The following CBY2 variants were observed in gnomAD, a reference collection of about 807,000 sequenced individuals.
The protein encoded by CBY2 is protein chibby homolog 2.
Under a neutral mutation model 25.3 loss-of-function variants are expected in CBY2, and 23 were observed. The ratio of observed to expected loss-of-function variants is 0.91; its 90% CI spans 0.65 to 1.29. The LOEUF (loss-of-function observed/expected upper bound fraction) is 1.29. Ranked by LOEUF, CBY2 falls within the 50% of genes most tolerant of loss-of-function variation. The pLI, the probability that CBY2 is intolerant of heterozygous loss-of-function variation, is 0.00. For synonymous variants in CBY2, 279 were observed against 260.2 expected (o/e 1.07, Z -0.70); for missense variants, 642 against 590.7 (o/e 1.09, Z -0.90).
At chr13:45,711,631 T>C (rs1485173400) in intron 2 of CBY2, among the ~76,000 whole-genome samples, 4 of 152,174 alleles carry the variant, frequency 2.6e-5, no homozygotes, top group Non-Finnish European at 4.4e-5. Context: ...TGGTTAGAAA[T>C]GCAGATTCCT....
Position 45,713,585 on chromosome 13 carries a change from G to T in CBY2, c.560G>T (p.Arg187Leu). 1.2e-6 allele frequency: 2 copies of T among 1,613,804 alleles called. No individual in the cohort carries two copies. The highest frequency in any genetic ancestry group is 1.3e-5 in the African/African-American group (1 of 74,926). Reference sequence around the variant, plus strand: ...AACAAGGCCCTGCGCGAGGAGAACCGGATGCTCAGCAAGGAGAACAAGATC... The same window carrying T: ...AACAAGGCCCTGCGCGAGGAGAACCTGATGCTCAGCAAGGAGAACAAGATC... ...EENKALREEN[R>L]MLSKENKILQ... The change falls in exon 3 of 3, where the codon CGG becomes CTG. Residue 187 changes from arginine (R) to leucine (L), a missense_variant. Arg to Leu is a moderately radical substitution (Grantham distance 102). Transcript: ENST00000310521. The surrounding 1 kb of genome is among the most constrained non-coding windows in gnomAD (Gnocchi z 5.0).
In CBY2 at chr13:45,702,774, G is replaced by C; in HGVS notation, c.76-1G>C. 1 of 1,613,384 alleles carries C rather than the reference G, an allele frequency of 6.2e-7. No individual in the cohort carries two copies. The highest frequency in any genetic ancestry group is 8.5e-7 in the Non-Finnish European group (1 of 1,179,380). On this transcript the variant is annotated splice_acceptor_variant, in intron 1 of 2. Transcript: ENST00000310521. LOFTEE classifies it high-confidence loss of function. ...ATCTTCTTCTTTTCTCGTTTCCACA[G>C]CACTCAAGGCCAAATTATACAAGAA...
At position 45,707,616 on chromosome 13, in the gene CBY2, A is replaced by G. The variant is rs1263973480; in HGVS notation, c.156+4761A>G. Reference sequence around the variant, plus strand: ...CCAAGACTTGGGATGTCACAAAAACAAGGGATAGGTCACTGTGCTTAGATA... The same window carrying G: ...CCAAGACTTGGGATGTCACAAAAACGAGGGATAGGTCACTGTGCTTAGATA... On this transcript the variant is annotated intron_variant, in intron 2 of 2. Coordinates refer to ENST00000310521, the MANE Select transcript of CBY2 (RefSeq NM_152719.3). 2.0e-5 allele frequency among the ~76,000 whole-genome samples: 3 copies of G among 152,226 alleles called. No homozygotes were observed. The East Asian group carries it at 5.8e-4, about 29-fold the overall frequency.
Position 45,714,009 on chromosome 13 carries a change from G to A in CBY2, c.984G>A (p.Arg328=). The A allele has an allele frequency of 6.7e-7, 1 of 1,495,148 alleles. No homozygotes were observed. The highest frequency in any genetic ancestry group is 8.9e-7 in the Non-Finnish European group (1 of 1,123,102). The allele number at this position is 1,495,148 out of a possible 1,614,324, so 92.6% of individuals were successfully genotyped here. ...QEDSKELRAL[R]KMVSNMSGPS... ...ACTCCAAGGAGCTGCGCGCCCTGCGGAAGATGGTCAGCAACATGTCCGGGC... is the reference window on the plus strand; with the variant it reads ...ACTCCAAGGAGCTGCGCGCCCTGCGAAAGATGGTCAGCAACATGTCCGGGC... The change falls in exon 3 of 3, where the codon CGG becomes CGA. Residue 328 remains arginine, a synonymous_variant. Coordinates refer to ENST00000310521, the MANE Select transcript of CBY2 (RefSeq NM_152719.3).
intron 1 of CBY2, 52 bp from the exon 2 acceptor site, chr13:45,702,723 C>T: frequency 1.4e-6 from 2 of 1,433,082 alleles, no homozygotes; most frequent in Non-Finnish European, 2.0e-6. Context: ...GCAATTGAGG[C>T]CCAGAGGATG....
chr13:45,702,421 G>T lies in CBY2; in HGVS notation c.31G>T (p.Gly11Cys). The change falls in exon 1 of 3, where the codon GGT becomes TGT. Residue 11 changes from glycine (G) to cysteine (C), a missense_variant. Gly to Cys is a radical substitution (Grantham distance 159). Transcript: ENST00000310521. MSPLECSECFGDQLLHRTYTW... is the reference protein window; with the variant it reads MSPLECSECFCDQLLHRTYTW... ...ACCTCTGGAATGTTCTGAGTGTTTTGGTGACCAACTTCTGCATAGGACCTA... is the reference window on the plus strand; with the variant it reads ...ACCTCTGGAATGTTCTGAGTGTTTTTGTGACCAACTTCTGCATAGGACCTA... 6.2e-7 allele frequency: 1 copy of T among 1,614,116 alleles called. No homozygotes were observed.
chr13:45,714,195 C>T lies in CBY2; in HGVS notation c.1170C>T (p.His390=), dbSNP rs200368143. Residue 390 remains histidine (H), a synonymous_variant, in exon 3 of 3, where the codon CAC becomes CAT. Coordinates refer to ENST00000310521, the MANE Select transcript of CBY2 (RefSeq NM_152719.3). ...CCCTGCAGGTGCTACGGGCAGAGCA[C>T]AGGGGCTTCCAGGAGGAGAACAAGG... ...NRTLQVLRAE[H]RGFQEENKAL... The T allele has an allele frequency of 7.4e-6, 12 of 1,612,194 alleles. No individual in the cohort carries two copies. Among genetic ancestry groups the T allele is most frequent in the Admixed American group, 1.7e-5 (1 of 59,848 alleles).
In CBY2 at chr13:45,713,210, T is replaced by G; in HGVS notation, c.185T>G (p.Leu62Arg). The G allele has an allele frequency of 6.2e-7, 1 of 1,612,990 alleles. No homozygotes were observed. The highest frequency in any genetic ancestry group is 8.5e-7 in the Non-Finnish European group (1 of 1,179,576). Reference protein sequence around the residue: ...QRGTAEPFPRLHNLYSTPRCA... With the variant: ...QRGTAEPFPRRHNLYSTPRCA... ...GGCACAGCCGAACCCTTCCCGAGGCTCCACAACTTGTACAGCACCCCTCGC... is the reference window on the plus strand; with the variant it reads ...GGCACAGCCGAACCCTTCCCGAGGCGCCACAACTTGTACAGCACCCCTCGC... Residue 62 changes from leucine (L) to arginine (R), a missense_variant, in exon 3 of 3, where the codon CTC becomes CGC. Coordinates refer to ENST00000310521, the MANE Select transcript of CBY2 (RefSeq NM_152719.3). The surrounding 1 kb of genome is among the most constrained non-coding windows in gnomAD (Gnocchi z 5.0).
intron 2 of CBY2, among the ~76,000 whole-genome samples, chr13:45,707,504 C>G (rs564215605): frequency 6.6e-6 from 1 of 152,282 alleles, no homozygotes; most frequent in African/African-American, 2.4e-5. Context: ...AGTATTTCCT[C>G]CCAATCTTTC....
chr13:45,703,732 GTTTA>G, intron 2 of CBY2: 1 of 675,404 alleles, frequency 1.5e-6, no homozygotes, highest in Non-Finnish European at 2.6e-6. Context: ...CATCCTGGAT[GTTTA>G]TTTTCACATT....
chr13:45,713,926 G>A lies in CBY2; in HGVS notation c.901G>A (p.Gly301Ser). 1 of 1,535,012 alleles carries A rather than the reference G, an allele frequency of 6.5e-7. No homozygotes were observed. The change falls in exon 3 of 3, where the codon GGC (glycine) becomes AGC (serine). Residue 301 changes from glycine (G) to serine (S), a missense_variant. Coordinates refer to ENST00000310521, the MANE Select transcript of CBY2 (RefSeq NM_152719.3). The surrounding 1 kb of genome is among the most constrained non-coding windows in gnomAD (Gnocchi z 5.0). The stretch of plus-strand genomic sequence containing the variant: ...CAGCCCCGGGCTGCTGCAGGACCAG[G>A]GCTCCGGCCTCTCCTCCCGCTTCGA... ...PCSPGLLQDQ[G>S]SGLSSRFEEP...
intron 2 of CBY2, among the ~76,000 whole-genome samples, chr13:45,711,172 C>T (rs964709768): frequency 6.6e-6 from 1 of 152,288 alleles, no homozygotes; most frequent in Non-Finnish European, 1.5e-5. Context: ...ATTCTACTTG[C>T]TCACTTCTTT....
At chr13:45,703,797 T>A (rs1342476966) in intron 2 of CBY2, among the ~76,000 whole-genome samples, 2 of 152,208 alleles carry the variant, frequency 1.3e-5, no homozygotes, top group African/African-American at 4.8e-5. Flanking sequence ...TTTTAGCCCA[T>A]GAATCTTAGC....
chr13:45,703,799 A>T (rs1301814133), intron 2 of CBY2, among the ~76,000 whole-genome samples: 1 of 152,200 alleles, frequency 6.6e-6, no homozygotes, highest in African/African-American at 2.4e-5. Flanking sequence ...TTAGCCCATG[A>T]ATCTTAGCCA....
chr13:45,705,167 AT>A (rs1950232970), intron 2 of CBY2, among the ~76,000 whole-genome samples: 1 of 151,908 alleles, frequency 6.6e-6, no homozygotes, highest in Non-Finnish European at 1.5e-5. Flanking sequence ...CACATTAAAT[AT>A]TTGTGTTTTC....
At chr13:45,712,655 G>A (rs372640773) in intron 2 of CBY2, among the ~76,000 whole-genome samples, 10 of 151,972 alleles carry the variant, frequency 6.6e-5, no homozygotes, top group African/African-American at 2.4e-4. Flanking sequence ...CACTTTTTTT[G>A]TTTTGCCTTC....
Position 45,713,239 on chromosome 13 carries a change from G to A in CBY2, c.214G>A (p.Ala72Thr), listed in dbSNP as rs761413589. The A allele has an allele frequency of 4.3e-5, 70 of 1,613,472 alleles. No individual in the cohort carries two copies. The highest frequency in any genetic ancestry group is 5.2e-5 in the Non-Finnish European group (61 of 1,179,938). ...CAACTTGTACAGCACCCCTCGCTGC[G>A]CGCAGCAGGCCGCCCTGCCCCGGCT... is the stretch of plus-strand genomic sequence containing the variant. ...LHNLYSTPRC[A>T]QQAALPRLSR... is the part of the protein sequence containing the mutation. The change falls in exon 3 of 3, where the codon GCG becomes ACG. Residue 72 changes from alanine (A) to threonine (T), a missense_variant. Coordinates refer to ENST00000310521, the MANE Select transcript of CBY2 (RefSeq NM_152719.3). The surrounding 1 kb of genome is among the most constrained non-coding windows in gnomAD (Gnocchi z 5.0).
Position 45,713,359 on chromosome 13 carries a change from C to G in CBY2, c.334C>G (p.Leu112Val). ...GGAGCGCCCCATGTCCCAGGCCGAC[C>G]TGGAGCTGGACTACAACCCGCCGCG... ...PMERPMSQAD[L>V]ELDYNPPRVQ... Residue 112 changes from leucine to valine, a missense_variant, in exon 3 of 3, where the codon CTG becomes GTG. Leu to Val is a conservative substitution (Grantham distance 32, BLOSUM62 1). Coordinates refer to ENST00000310521, the MANE Select transcript of CBY2 (RefSeq NM_152719.3). The surrounding 1 kb of genome is among the most constrained non-coding windows in gnomAD (Gnocchi z 5.0). 3.7e-6 allele frequency: 6 copies of G among 1,614,194 alleles called. No homozygotes were observed. Among genetic ancestry groups the G allele is most frequent in the Non-Finnish European group, 5.1e-6 (6 of 1,180,034 alleles).
In CBY2 at chr13:45,713,261, G is replaced by A. The variant is rs1294168347; in HGVS notation, c.236G>A (p.Arg79Gln). ...PRCAQQAALP[R>Q]LSRRMASQHS... is the part of the protein sequence containing the mutation. The stretch of plus-strand genomic sequence containing the variant: ...TGCGCGCAGCAGGCCGCCCTGCCCC[G>A]GCTGAGCCGCAGGATGGCGAGCCAG... The change falls in exon 3 of 3, where the codon CGG becomes CAG. Residue 79 changes from arginine (R) to glutamine (Q), a missense_variant. Coordinates refer to ENST00000310521, the MANE Select transcript of CBY2 (RefSeq NM_152719.3). The surrounding 1 kb of genome is among the most constrained non-coding windows in gnomAD (Gnocchi z 5.0). The A allele has an allele frequency of 1.2e-6, 2 of 1,613,780 alleles. No individual in the cohort carries two copies. Among genetic ancestry groups the A allele is most frequent in the Non-Finnish European group, 1.7e-6 (2 of 1,179,980 alleles).
Sources: gnomAD v4.1 joint callset for allele counts (sites outside exome capture counted in the v4.1 genomes callset) on GRCh38, gnomAD v4.1.1 for gene constraint, Gnocchi (gnomAD v3.1) non-coding constraint, MANE v1.5 for transcripts, NCBI Gene and HGNC (gene_info 2026-07-23, HGNC 2026-07-21) for gene names.